Variants in TMCC2 observed in about 807,000 individuals in gnomAD.
The protein encoded by TMCC2 is transmembrane and coiled-coil domain family 2.
TMCC2 carries 16 observed loss-of-function variants against 49.4 expected under a neutral mutation model. That is an observed-to-expected ratio of 0.32 (90% CI 0.22 to 0.49). The LOEUF (loss-of-function observed/expected upper bound fraction) is 0.49. Among genes scored for constraint, TMCC2 ranks in the 20% least tolerant of loss-of-function variants. TMCC2 has a pLI of 0.99. For missense variants in TMCC2, 762 were observed against 989.8 expected, an observed-to-expected ratio of 0.77 and a Z score of 3.09; for synonymous variants, 397 against 434.1, an observed-to-expected ratio of 0.91 and a Z score of 1.06.
chr1:205,238,772 G>A (rs753415814), intron 1 of TMCC2, among the ~76,000 whole-genome samples: 13 of 152,056 alleles, frequency 8.5e-5, no homozygotes, highest in Non-Finnish European at 1.5e-4. Context: ...ATTAGAAGTC[G>A]GGGGTTTCTC....
chr1:205,258,720 T>G (rs1226575544), intron 2 of TMCC2, among the ~76,000 whole-genome samples: 1 of 152,218 alleles, frequency 6.6e-6, no homozygotes, highest in African/African-American at 2.4e-5. Context: ...ACCCTGCTCT[T>G]GCTGGAATGT....
At chr1:205,245,764 C>T (rs1660428734) in intron 2 of TMCC2, among the ~76,000 whole-genome samples, 1 of 151,766 alleles carries the variant, frequency 6.6e-6, no homozygotes, top group Non-Finnish European at 1.5e-5. Context: ...TTAAAGCAAT[C>T]CTGTGAGATA....
rs372539257 is a variant in TMCC2 at position 205,241,281 on chromosome 1, G to T, written c.208-224G>T. ...GATTAGGAATGTCCCGTGGAAAACC[G>T]TGGGGGCACACTTCTTTCGGAATGA... On this transcript the variant is annotated intron_variant, in intron 1 of 4. Coordinates refer to ENST00000358024, the MANE Select transcript of TMCC2 (RefSeq NM_014858.4). The surrounding 1 kb of genome is among the most constrained non-coding windows in gnomAD (Gnocchi z 7.3). Among the ~76,000 whole-genome samples, 2 of 152,126 alleles carry T rather than the reference G, an allele frequency of 1.3e-5. No individual in the cohort carries two copies. The highest frequency in any genetic ancestry group is 4.8e-5 in the African/African-American group (2 of 41,428).
In TMCC2 at chr1:205,271,902, T is replaced by C; in HGVS notation, c.1908T>C (p.Asn636=). ...TGGTACAGCTGGAGGGCGTGGAGAA[T>C]GCCAACGCGCGGGCGCTGCTGGGCA... The part of the protein sequence containing the change: ...QQVVQLEGVE[N]ANARALLGKF... Residue 636 remains asparagine, a synonymous_variant, in exon 5 of 5, where the codon AAT becomes AAC. Coordinates refer to ENST00000358024, the MANE Select transcript of TMCC2 (RefSeq NM_014858.4). 1 of 1,614,118 alleles carries C rather than the reference T, an allele frequency of 6.2e-7. No homozygotes were observed. Among genetic ancestry groups the C allele is most frequent in the Non-Finnish European group, 8.5e-7 (1 of 1,180,014 alleles).
intron 2 of TMCC2, among the ~76,000 whole-genome samples, chr1:205,250,370 G>A (rs944244950): frequency 2.0e-5 from 3 of 151,892 alleles, no homozygotes; most frequent in African/African-American, 7.3e-5. Context: ...AGGAAACCCC[G>A]TCTCTACTAA....
At position 205,241,732 on chromosome 1, in the gene TMCC2, C is replaced by T. The variant is rs139793468; in HGVS notation, c.435C>T (p.Pro145=). The T allele has an allele frequency of 3.3e-5, 54 of 1,613,248 alleles. No homozygotes were observed. In the African/African-American group the frequency reaches 5.9e-4, roughly 18 times the overall value. Residue 145 remains proline (P), a synonymous_variant, in exon 2 of 5, where the codon CCC becomes CCT. Coordinates refer to ENST00000358024, the MANE Select transcript of TMCC2 (RefSeq NM_014858.4). This position sits in a 1 kb window ranked among gnomAD's most constrained non-coding sequence, Gnocchi z 7.3. ...AMSLHDLPAR[P]TAFNRVLQQI... ...CCCTGCACGACCTGCCCGCCCGGCCCACCGCCTTCAACCGCGTGCTGCAGC... is the reference window on the plus strand; with the variant it reads ...CCCTGCACGACCTGCCCGCCCGGCCTACCGCCTTCAACCGCGTGCTGCAGC...
chr1:205,239,805 A>G (rs1393325380), intron 1 of TMCC2, among the ~76,000 whole-genome samples: 2 of 152,224 alleles, frequency 1.3e-5, no homozygotes, highest in East Asian at 3.8e-4. Context: ...ACAAATACAT[A>G]ATAGTACAGT....
At chr1:205,256,116 C>A in intron 2 of TMCC2, 1 of 1,131,336 alleles carries the variant, frequency 8.8e-7, no homozygotes, top group Non-Finnish European at 1.2e-6. Flanking sequence ...CTTATCTCTT[C>A]ACACCTTCTT....
At chr1:205,270,584 T>C (rs1352842797) in intron 3 of TMCC2, among the ~76,000 whole-genome samples, 1 of 152,186 alleles carries the variant, frequency 6.6e-6, no homozygotes, top group East Asian at 1.9e-4. Flanking sequence ...CTTCTCCATA[T>C]ATATAAAGAA....
intron 1 of TMCC2, among the ~76,000 whole-genome samples, chr1:205,235,500 G>A (rs1660003564): frequency 6.6e-6 from 1 of 152,184 alleles, no homozygotes; most frequent in East Asian, 1.9e-4. Flanking sequence ...TTTTCAAAGT[G>A]TGGGGTTATC....
At chr1:205,250,321 A>G (rs1200057645) in intron 2 of TMCC2, among the ~76,000 whole-genome samples, 1 of 152,042 alleles carries the variant, frequency 6.6e-6, no homozygotes, top group African/African-American at 2.4e-5. Context: ...TGGGTGTATC[A>G]CCTGAGGTCA....
At chr1:205,245,799 A>AT (rs1230935167) in intron 2 of TMCC2, among the ~76,000 whole-genome samples, 3,401 of 139,590 alleles carry the variant, frequency 0.024, 46 homozygotes, top group African/African-American at 0.045. Context: ...AGATATCCCA[A>AT]TTTTTTTTTT....
chr1:205,230,292 C>A, intron 1 of TMCC2: 1 of 576,784 alleles, frequency 1.7e-6, no homozygotes, highest in Non-Finnish European at 2.2e-6. Flanking sequence ...TTATTCAAAT[C>A]TGAACTCTGG....
At chr1:205,271,649 C>A in intron 4 of TMCC2, 164 bp from the exon 5 acceptor site, 1 of 415,582 alleles carries the variant, frequency 2.4e-6, no homozygotes, top group Non-Finnish European at 3.2e-6. Flanking sequence ...AAGAGTCATC[C>A]TTAAAGGTCT....
At chr1:205,270,613 G>T (rs1661549381) in intron 3 of TMCC2, among the ~76,000 whole-genome samples, 1 of 152,172 alleles carries the variant, frequency 6.6e-6, no homozygotes, top group Non-Finnish European at 1.5e-5. Flanking sequence ...AAATTGAAGG[G>T]GAGCCCCACC....
intron 2 of TMCC2, among the ~76,000 whole-genome samples, chr1:205,262,512 G>A (rs1016817648): frequency 1.3e-5 from 2 of 152,188 alleles, no homozygotes; most frequent in African/African-American, 2.4e-5. Context: ...GTTTCCTCCA[G>A]GGATGGGGGC....
At chr1:205,243,866 C>G (rs1473449680) in intron 2 of TMCC2, among the ~76,000 whole-genome samples, 1 of 152,022 alleles carries the variant, frequency 6.6e-6, no homozygotes, top group Non-Finnish European at 1.5e-5. Context: ...GAGGATGTGT[C>G]GAATGAGAAG....
chr1:205,259,270 C>T (rs1661005853), intron 2 of TMCC2, among the ~76,000 whole-genome samples: 1 of 149,260 alleles, frequency 6.7e-6, no homozygotes, highest in Non-Finnish European at 1.5e-5. Context: ...TGAGAAGGCC[C>T]CTTTCTCCCT....
In TMCC2 at chr1:205,241,764, G is replaced by A. The variant is rs779837835; in HGVS notation, c.467G>A (p.Arg156His). ...TTCAACCGCGTGCTGCAGCAGATCC[G>A]CTCCCGGCCCTCCATCAAGCGGGGC... ...TAFNRVLQQI[R>H]SRPSIKRGAS... is the part of the protein sequence containing the mutation. The change falls in exon 2 of 5, where the codon CGC becomes CAC. Residue 156 changes from arginine to histidine, a missense_variant. Coordinates refer to ENST00000358024, the MANE Select transcript of TMCC2 (RefSeq NM_014858.4). The surrounding 1 kb of genome is among the most constrained non-coding windows in gnomAD (Gnocchi z 7.3). 5 of 1,611,302 alleles carry A rather than the reference G, an allele frequency of 3.1e-6. No homozygotes were observed. The highest frequency in any genetic ancestry group is 1.7e-5 in the Admixed American group (1 of 59,902).
Sources: gnomAD v4.1 joint callset for allele counts (sites outside exome capture counted in the v4.1 genomes callset) on GRCh38, gnomAD v4.1.1 for gene constraint, Gnocchi (gnomAD v3.1) non-coding constraint, MANE v1.5 for transcripts, NCBI Gene and HGNC (gene_info 2026-07-23, HGNC 2026-07-21) for gene names.